FAM174A: variants seen among roughly 807,000 people sequenced by gnomAD.
FAM174A encodes family with sequence similarity 174 member A.
Under a neutral mutation model 14.3 loss-of-function variants are expected in FAM174A, and 14 were observed. That is an observed-to-expected ratio of 0.98 (90% CI 0.65 to 1.53). FAM174A has a LOEUF of 1.53. Ranked by LOEUF, FAM174A falls within the 40% of genes most tolerant of loss-of-function variation. The pLI, the probability that FAM174A is intolerant of heterozygous loss-of-function variation, is 0.00. For synonymous variants in FAM174A, 108 were observed against 111.4 expected (o/e 0.97, Z 0.19); for missense variants, 241 against 249.6 (o/e 0.97, Z 0.23).
intron 2 of FAM174A, 150 bp downstream of exon 2, chr5:100,562,338 C>T (rs899075161): frequency 8.4e-6 from 5 of 595,210 alleles, no homozygotes; most frequent in Non-Finnish European, 8.5e-6. Context: ...CTATCTACCC[C>T]ATAGCTCACA....
intron 2 of FAM174A, among the ~76,000 whole-genome samples, chr5:100,571,672 G>GTATATATATATATATATATATA (rs529767869): frequency 7.3e-6 from 1 of 136,650 alleles, no homozygotes; most frequent in Non-Finnish European, 1.6e-5. Context: ...GTGTGTGTGT[G>GTATATATATATATATATATATA]TATATATATA....
intron 1 of FAM174A, among the ~76,000 whole-genome samples, chr5:100,554,553 GC>G (rs1394201786): frequency 1.3e-5 from 2 of 152,020 alleles, no homozygotes; most frequent in Admixed American, 6.6e-5. Context: ...CTGATGATCT[GC>G]CCGCCTCAGC....
chr5:100,577,070 C>T (rs998225445), intron 2 of FAM174A, among the ~76,000 whole-genome samples: 1 of 152,074 alleles, frequency 6.6e-6, no homozygotes, highest in Non-Finnish European at 1.5e-5. Context: ...CAAATGGAAA[C>T]AATACCTTCT....
intron 1 of FAM174A, among the ~76,000 whole-genome samples, chr5:100,545,169 C>G (rs1202061714): frequency 1.3e-5 from 2 of 152,104 alleles, no homozygotes; most frequent in African/African-American, 2.4e-5. Context: ...TTGGTGAAGA[C>G]TACATTTAAA....
At chr5:100,564,823 A>G (rs1265201864) in intron 2 of FAM174A, among the ~76,000 whole-genome samples, 1 of 151,940 alleles carries the variant, frequency 6.6e-6, no homozygotes, top group Non-Finnish European at 1.5e-5. Flanking sequence ...AACTTGAATC[A>G]AAAAGAAATT....
intron 1 of FAM174A, among the ~76,000 whole-genome samples, chr5:100,538,270 T>G (rs1745978338): frequency 6.6e-6 from 1 of 152,150 alleles, no homozygotes; most frequent in African/African-American, 2.4e-5. Flanking sequence ...TGCACTGAAA[T>G]TAGTTATTTG....
At chr5:100,576,500 C>T (rs954229670) in intron 2 of FAM174A, among the ~76,000 whole-genome samples, 5 of 152,114 alleles carry the variant, frequency 3.3e-5, no homozygotes, top group Non-Finnish European at 7.4e-5. Context: ...CCCTAAAGTC[C>T]TCCAACACAG....
chr5:100,539,182 A>G (rs918732378), intron 1 of FAM174A, among the ~76,000 whole-genome samples: 1 of 152,056 alleles, frequency 6.6e-6, no homozygotes, highest in Non-Finnish European at 1.5e-5. Flanking sequence ...ATTTATTATG[A>G]TAGCCTTTAT....
Position 100,536,110 on chromosome 5 carries a change from G to T in FAM174A, c.434+146G>T, listed in dbSNP as rs149747209. On this transcript the variant is annotated intron_variant, in intron 1 of 2. Transcript: ENST00000312637. ...GAATATGATATTGACTTTCTTAAAG[G>T]CCTGTTACCTTTGGAGCAATTTAAA... The T allele has an allele frequency of 1.2e-5, 9 of 720,248 alleles. No individual in the cohort carries two copies. The East Asian group carries it at 1.8e-4, about 14-fold the overall frequency. The allele number at this position is 720,248 out of a possible 1,614,324, so 44.6% of individuals were successfully genotyped here.
intron 1 of FAM174A, among the ~76,000 whole-genome samples, chr5:100,542,338 A>G (rs748765847): frequency 2.0e-5 from 3 of 151,974 alleles, no homozygotes; most frequent in Admixed American, 6.6e-5. Context: ...TACTCTCTTT[A>G]TAAGGAGAAT....
intron 1 of FAM174A, among the ~76,000 whole-genome samples, chr5:100,537,882 T>C (rs1745970641): frequency 6.6e-6 from 1 of 152,198 alleles, no homozygotes; most frequent in South Asian, 2.1e-4. Flanking sequence ...CCTTGTTTTT[T>C]TCCTTTTGCT....
intron 1 of FAM174A, among the ~76,000 whole-genome samples, chr5:100,547,238 G>C (rs1023152010): frequency 6.6e-6 from 1 of 152,096 alleles, no homozygotes; most frequent in Non-Finnish European, 1.5e-5. Flanking sequence ...ATAAAAAAAA[G>C]TATGAGTGGA....
intron 1 of FAM174A, among the ~76,000 whole-genome samples, chr5:100,544,178 T>G (rs947777689): frequency 6.6e-6 from 1 of 152,090 alleles, no homozygotes; most frequent in African/African-American, 2.4e-5. Flanking sequence ...CTGGGCAATA[T>G]AGTGAGACTT....
At chr5:100,542,445 G>T (rs1035760011) in intron 1 of FAM174A, among the ~76,000 whole-genome samples, 7 of 152,060 alleles carry the variant, frequency 4.6e-5, no homozygotes, top group African/African-American at 1.7e-4. Flanking sequence ...AATTTCAATT[G>T]CTAAATATTT....
chr5:100,578,206 A>G (rs1032218086), intron 2 of FAM174A, among the ~76,000 whole-genome samples: 12 of 152,094 alleles, frequency 7.9e-5, no homozygotes, highest in African/African-American at 2.9e-4. Flanking sequence ...ACCCTCCAGA[A>G]CTGAGAAGTA....
chr5:100,539,337 AAAGG>A (rs1580361411), intron 1 of FAM174A, among the ~76,000 whole-genome samples: 2 of 152,170 alleles, frequency 1.3e-5, no homozygotes, highest in East Asian at 3.8e-4. Flanking sequence ...ATAAGTACAT[AAAGG>A]ATGCTATGAA....
chr5:100,585,826 T>C (rs1747115413), intron 2 of FAM174A, among the ~76,000 whole-genome samples: 1 of 152,212 alleles, frequency 6.6e-6, no homozygotes, highest in South Asian at 2.1e-4. Flanking sequence ...TAAGTGGTAC[T>C]ATGCAGTTCA....
intron 1 of FAM174A, among the ~76,000 whole-genome samples, chr5:100,538,425 G>T (rs886926366): frequency 6.6e-6 from 1 of 151,952 alleles, no homozygotes; most frequent in Non-Finnish European, 1.5e-5. Context: ...CATTTATAAT[G>T]AATATGTAGG....
intron 2 of FAM174A, among the ~76,000 whole-genome samples, chr5:100,573,610 A>T (rs1220779928): frequency 2.6e-5 from 4 of 151,308 alleles, no homozygotes; most frequent in African/African-American, 4.9e-5. Context: ...TCCATGCTCA[A>T]GGGTAGGAAG....
Sources: allele counts gnomAD v4.1 joint callset (sites outside exome capture counted in the v4.1 genomes callset), GRCh38; gene constraint gnomAD v4.1.1; transcripts MANE v1.5; gene names NCBI Gene and HGNC (gene_info 2026-07-23, HGNC 2026-07-21).